SLC16A1: variants seen among roughly 807,000 people sequenced by gnomAD.
SLC16A1 encodes monocarboxylate transporter 1.
Under a neutral mutation model 32.2 loss-of-function variants are expected in SLC16A1, and 11 were observed. The ratio of observed to expected loss-of-function variants is 0.34; its 90% CI spans 0.21 to 0.56. The LOEUF (loss-of-function observed/expected upper bound fraction) is 0.56. Among genes scored for constraint, SLC16A1 ranks in the 20% least tolerant of loss-of-function variants. The pLI, the probability that SLC16A1 is intolerant of heterozygous loss-of-function variation, is 0.87. For missense variants in SLC16A1, 435 were observed against 615.0 expected, an observed-to-expected ratio of 0.71 and a Z score of 3.10; for synonymous variants, 231 against 226.8, an observed-to-expected ratio of 1.02 and a Z score of -0.17.
rs1374709428 is a variant in SLC16A1, at chr1:112,929,032, A to G, written c.217+60T>C. On this transcript the variant is annotated intron_variant, in intron 2 of 4. Coordinates refer to ENST00000369626, the MANE Select transcript of SLC16A1 (RefSeq NM_003051.4). Reference sequence around the variant, plus strand: ...CTTTTTTTTTTTTTTAAAGTTACCTAATACAGACACTCTGGCTGCTTCATG... The same window carrying G: ...CTTTTTTTTTTTTTTAAAGTTACCTGATACAGACACTCTGGCTGCTTCATG... 3.3e-6 allele frequency: 4 copies of G among 1,208,758 alleles called. No homozygotes were observed. In the Admixed American group the frequency reaches 7.3e-5, roughly 22 times the overall value. 74.9% of individuals were successfully genotyped at this position (1,208,758 alleles called of 1,614,324 possible). A position where few individuals can be genotyped will look rare whatever the true frequency, so the allele number is the denominator to read the frequency against.
chr1:112,940,205 T>C (rs1484840301), intron 1 of SLC16A1, among the ~76,000 whole-genome samples: 1 of 151,812 alleles, frequency 6.6e-6, no homozygotes, highest in East Asian at 1.9e-4. Flanking sequence ...GCCTGGCTAA[T>C]TTTTGTATGT....
At chr1:112,943,044 T>A (rs2101646764) in intron 1 of SLC16A1, among the ~76,000 whole-genome samples, 1 of 152,336 alleles carries the variant, frequency 6.6e-6, no homozygotes, top group East Asian at 1.9e-4. Flanking sequence ...GCAAACACTC[T>A]TAATTCTCCT....
chr1:112,930,571 C>G (rs140444900), intron 1 of SLC16A1, among the ~76,000 whole-genome samples: 1,792 of 152,156 alleles, frequency 0.012, 14 homozygotes, highest in Non-Finnish European at 0.015. Context: ...AAAATAGCTT[C>G]TCACCACTTA....
Position 112,914,028 on chromosome 1 carries a change from C to G in SLC16A1, c.1366G>C (p.Glu456Gln), listed in dbSNP as rs957406167. 1 of 1,614,114 alleles carries G rather than the reference C, an allele frequency of 6.2e-7. No homozygotes were observed. The highest frequency in any genetic ancestry group is 8.5e-7 in the Non-Finnish European group (1 of 1,180,024). ...RLLAKEQKAN[E>Q]QKKESKEEET... ...TCCTCTTTACTTTCCTTTTTCTGCT[C>G]GTTTGCTTTCTGTTCTTTTGCCAAA... The change falls in exon 5 of 5, where the codon GAG (glutamate) becomes CAG (glutamine). Residue 456 changes from glutamate to glutamine, a missense_variant. Around this residue, in one of 2 missense-constraint regions of SLC16A1, gnomAD observed 111 missense variants for 114.7 expected, o/e 0.97. Coordinates refer to ENST00000369626, the MANE Select transcript of SLC16A1 (RefSeq NM_003051.4).
intron 1 of SLC16A1, among the ~76,000 whole-genome samples, chr1:112,948,445 T>C (rs535088848): frequency 1.3e-5 from 2 of 152,310 alleles, no homozygotes; most frequent in East Asian, 3.9e-4. Context: ...AAGATAATTG[T>C]CAGTTATTTT....
chr1:112,934,723 G>A (rs1159407592), intron 1 of SLC16A1, among the ~76,000 whole-genome samples: 1 of 152,134 alleles, frequency 6.6e-6, no homozygotes, highest in Non-Finnish European at 1.5e-5. Context: ...GGAGACAAGA[G>A]GAGGACAGAA....
chr1:112,920,562 T>C (rs1648686550), intron 3 of SLC16A1, among the ~76,000 whole-genome samples: 1 of 151,956 alleles, frequency 6.6e-6, no homozygotes. Flanking sequence ...GCCGAGATCA[T>C]GCCATAGCAG....
At chr1:112,944,994 C>CTTTTTTT (rs151186476) in intron 1 of SLC16A1, among the ~76,000 whole-genome samples, 1 of 123,308 alleles carries the variant, frequency 8.1e-6, no homozygotes, top group Non-Finnish European at 1.7e-5. Flanking sequence ...CACCCAGCCT[C>CTTTTTTT]TTTTTTTTTT....
intron 1 of SLC16A1, among the ~76,000 whole-genome samples, chr1:112,946,391 A>G (rs1649705507): frequency 6.6e-6 from 1 of 152,142 alleles, no homozygotes; most frequent in Non-Finnish European, 1.5e-5. Context: ...TCTCATCCAA[A>G]TATTAGCATT....
At chr1:112,940,800 T>C (rs1649481253) in intron 1 of SLC16A1, among the ~76,000 whole-genome samples, 1 of 152,232 alleles carries the variant, frequency 6.6e-6, no homozygotes, top group Non-Finnish European at 1.5e-5. Context: ...TTACTATTTT[T>C]AGTCAGTTAA....
At chr1:112,936,778 T>A (rs765178416) in intron 1 of SLC16A1, among the ~76,000 whole-genome samples, 2 of 152,220 alleles carry the variant, frequency 1.3e-5, no homozygotes, top group Non-Finnish European at 2.9e-5. Flanking sequence ...GCATCCATTC[T>A]CAAGAGGTAA....
In SLC16A1 at chr1:112,913,475, A is replaced by C. The variant is rs1648392578; in HGVS notation, c.*416T>G. ...TACATGTAACAATGAAGCAAGATTA[A>C]TTTTAAATTTTAGATTTGCCTCAAA... is the stretch of plus-strand genomic sequence containing the variant. On this transcript the variant is annotated 3_prime_UTR_variant, in exon 5 of 5. Coordinates refer to ENST00000369626, the MANE Select transcript of SLC16A1 (RefSeq NM_003051.4). The C allele has an allele frequency of 1.7e-5, 3 of 172,468 alleles. No homozygotes were observed. The highest frequency in any genetic ancestry group is 3.8e-5 in the Non-Finnish European group (3 of 79,378). 10.7% of individuals were successfully genotyped at this position (172,468 alleles called of 1,614,324 possible). A position where few individuals can be genotyped will look rare whatever the true frequency, so the allele number is the denominator to read the frequency against.
intron 1 of SLC16A1, among the ~76,000 whole-genome samples, chr1:112,941,278 CTT>C (rs11362773): frequency 0.069 from 7,675 of 111,640 alleles, 272 homozygotes; most frequent in African/African-American, 0.17. Context: ...CTCTTCACAC[CTT>C]TTTTTTTTTT....
At chr1:112,922,634 C>T (rs1044078734) in intron 2 of SLC16A1, among the ~76,000 whole-genome samples, 3 of 151,924 alleles carry the variant, frequency 2.0e-5, no homozygotes, top group South Asian at 2.1e-4. Context: ...ATTAGCCAGG[C>T]GTGGTTGGCG....
intron 1 of SLC16A1, chr1:112,955,583 C>T (rs1412190826): frequency 6.6e-6 from 1 of 152,262 alleles, no homozygotes; most frequent in African/African-American, 2.4e-5. Flanking sequence ...GACAATGTCA[C>T]GAATCATAAA....
chr1:112,937,026 TTAAA>T (rs1345479797), intron 1 of SLC16A1, among the ~76,000 whole-genome samples: 1 of 152,228 alleles, frequency 6.6e-6, no homozygotes, highest in Non-Finnish European at 1.5e-5. Flanking sequence ...TAAAATGATG[TTAAA>T]TAAAACTGCT....
intron 1 of SLC16A1, among the ~76,000 whole-genome samples, chr1:112,943,631 T>C (rs1649587434): frequency 6.8e-6 from 1 of 147,022 alleles, no homozygotes; most frequent in Non-Finnish European, 1.5e-5. Flanking sequence ...CTACTAAAAA[T>C]ACAAAAATTA....
intron 3 of SLC16A1, among the ~76,000 whole-genome samples, chr1:112,920,795 AG>A (rs779596974): frequency 1.3e-5 from 2 of 152,148 alleles, no homozygotes; most frequent in Non-Finnish European, 2.9e-5. Flanking sequence ...ATGTTTAATA[AG>A]GGAAAAACAT....
chr1:112,919,362 G>C (rs1570621545), intron 3 of SLC16A1, among the ~76,000 whole-genome samples: 1 of 152,150 alleles, frequency 6.6e-6, no homozygotes, highest in East Asian at 1.9e-4. Context: ...GCAATCCAAT[G>C]AAAATGTCAG....
Sources: allele counts gnomAD v4.1 joint callset (sites outside exome capture counted in the v4.1 genomes callset), GRCh38; gene constraint gnomAD v4.1.1; regional missense constraint gnomAD v4.1.1; transcripts MANE v1.5; gene names NCBI Gene and HGNC (gene_info 2026-07-23, HGNC 2026-07-21).